Variants in SCAPER observed in about 807,000 individuals in gnomAD.
SCAPER encodes S-phase cyclin A associated protein in the ER.
Under a neutral mutation model 182.2 loss-of-function variants are expected in SCAPER, and 98 were observed. The observed-to-expected ratio is 0.54, with a 90% CI of 0.46 to 0.64. SCAPER has a LOEUF of 0.64. Among genes scored for constraint, SCAPER ranks in the 30% least tolerant of loss-of-function variants. The pLI is 0.00. For synonymous variants in SCAPER, 605 were observed against 564.6 expected (o/e 1.07, Z -1.01); for missense variants, 1,432 against 1,690.0 (o/e 0.85, Z 2.68).
chr15:76,805,105 A>G (rs1260879192), intron 5 of SCAPER, among the ~76,000 whole-genome samples: 1 of 152,208 alleles, frequency 6.6e-6, no homozygotes, highest in East Asian at 1.9e-4. Flanking sequence ...GGTAGCGTGT[A>G]TCAGTACTTC....
At chr15:76,572,736 G>A (rs987730545) in intron 23 of SCAPER, among the ~76,000 whole-genome samples, 3 of 152,202 alleles carry the variant, frequency 2.0e-5, no homozygotes, top group East Asian at 3.9e-4. Flanking sequence ...TCAGAAATCC[G>A]GGGCAGGAGC....
At chr15:76,565,310 T>C (rs532821398) in intron 23 of SCAPER, among the ~76,000 whole-genome samples, 1 of 152,112 alleles carries the variant, frequency 6.6e-6, no homozygotes, top group Non-Finnish European at 1.5e-5. Flanking sequence ...TTTTTTTTAA[T>C]AAGGAACTTA....
At chr15:76,351,203 A>G in intron 31 of SCAPER, 34 bp downstream of exon 31, 1 of 1,584,190 alleles carries the variant, frequency 6.3e-7, no homozygotes, top group African/African-American at 1.3e-5. Flanking sequence ...TTTGGCTAAC[A>G]AACACATGAA....
intron 25 of SCAPER, among the ~76,000 whole-genome samples, chr15:76,442,669 T>A (rs2047698558): frequency 6.6e-6 from 1 of 152,344 alleles, no homozygotes; most frequent in East Asian, 1.9e-4. Flanking sequence ...GTATATCTAT[T>A]ATTATGCCTA....
At chr15:76,600,567 A>G (rs1451936460) in intron 22 of SCAPER, among the ~76,000 whole-genome samples, 2 of 116,406 alleles carry the variant, frequency 1.7e-5, no homozygotes, top group Non-Finnish European at 2.1e-5. Context: ...ATCCTGCCTC[A>G]GCCTCCCGAG....
At chr15:76,761,705 A>G (rs2062798506) in intron 14 of SCAPER, among the ~76,000 whole-genome samples, 1 of 152,230 alleles carries the variant, frequency 6.6e-6, no homozygotes, top group African/African-American at 2.4e-5. Context: ...GACCTAACAC[A>G]TGATCTATTC....
chr15:76,784,333 G>A (rs970038801), intron 8 of SCAPER, among the ~76,000 whole-genome samples: 2 of 152,160 alleles, frequency 1.3e-5, no homozygotes. Flanking sequence ...TACAAGGGAC[G>A]TGAAGGATCT....
chr15:76,727,310 G>A (rs895291735), intron 17 of SCAPER, among the ~76,000 whole-genome samples: 3 of 152,032 alleles, frequency 2.0e-5, no homozygotes, highest in Non-Finnish European at 4.4e-5. Flanking sequence ...GGCCAGGACA[G>A]TCCTAATAAA....
chr15:76,674,074 T>TA (rs1023567925), intron 20 of SCAPER, among the ~76,000 whole-genome samples: 1 of 151,974 alleles, frequency 6.6e-6, no homozygotes, highest in African/African-American at 2.4e-5. Flanking sequence ...TGTACTGACT[T>TA]ACACACATAT....
intron 20 of SCAPER, among the ~76,000 whole-genome samples, chr15:76,673,275 C>A (rs186166968): frequency 6.6e-6 from 1 of 151,956 alleles, no homozygotes; most frequent in Non-Finnish European, 1.5e-5. Flanking sequence ...CTGGTGAACA[C>A]TGCATACATA....
chr15:76,407,401 T>C (rs1300622200), intron 26 of SCAPER, among the ~76,000 whole-genome samples: 1 of 152,226 alleles, frequency 6.6e-6, no homozygotes, highest in Non-Finnish European at 1.5e-5. Context: ...TAAAAAGTCA[T>C]TATGCAGTGC....
At chr15:76,715,081 G>A (rs79045984) in intron 17 of SCAPER, among the ~76,000 whole-genome samples, 2,649 of 152,054 alleles carry the variant, frequency 0.017, 96 homozygotes, top group East Asian at 0.12. Context: ...AGTTGTTAGC[G>A]CACCCTCCTC....
chr15:76,486,750 A>C (rs1251005464), intron 24 of SCAPER, among the ~76,000 whole-genome samples: 2 of 152,220 alleles, frequency 1.3e-5, no homozygotes, highest in African/African-American at 4.8e-5. Flanking sequence ...GTGGGAGTGT[A>C]AATTAGTTCA....
chr15:76,825,547 G>T (rs925004352), intron 5 of SCAPER, among the ~76,000 whole-genome samples: 1 of 152,052 alleles, frequency 6.6e-6, no homozygotes, highest in Non-Finnish European at 1.5e-5. Context: ...CAAAAAAAAT[G>T]TTATTCTTAA....
intron 20 of SCAPER, among the ~76,000 whole-genome samples, chr15:76,675,384 T>C (rs945605053): frequency 1.3e-5 from 2 of 152,198 alleles, no homozygotes; most frequent in African/African-American, 2.4e-5. Flanking sequence ...GTTATAAGGA[T>C]AGGAGAAAAC....
At chr15:76,676,061 G>C (rs991853391) in intron 20 of SCAPER, among the ~76,000 whole-genome samples, 2 of 152,194 alleles carry the variant, frequency 1.3e-5, no homozygotes, top group Non-Finnish European at 2.9e-5. Flanking sequence ...CTGACCTCAG[G>C]TGATCCACCC....
intron 24 of SCAPER, among the ~76,000 whole-genome samples, chr15:76,478,244 T>A (rs1281646635): frequency 6.6e-6 from 1 of 152,120 alleles, no homozygotes; most frequent in Admixed American, 6.5e-5. Flanking sequence ...ATTTTAAAAT[T>A]TGGGGAGGAG....
chr15:76,818,125 G>T (rs927660589), intron 5 of SCAPER, among the ~76,000 whole-genome samples: 2 of 152,168 alleles, frequency 1.3e-5, no homozygotes, highest in African/African-American at 4.8e-5. Flanking sequence ...AGAACAAAGA[G>T]CTCAGAAACA....
intron 14 of SCAPER, among the ~76,000 whole-genome samples, chr15:76,759,577 G>A (rs2062651981): frequency 6.6e-6 from 1 of 152,124 alleles, no homozygotes; most frequent in Admixed American, 6.5e-5. Flanking sequence ...TTCATTATGT[G>A]TCTTGGAAGG....
Sources: allele counts gnomAD v4.1 joint callset (sites outside exome capture counted in the v4.1 genomes callset), GRCh38; gene constraint gnomAD v4.1.1; transcripts MANE v1.5; gene names NCBI Gene and HGNC (gene_info 2026-07-23, HGNC 2026-07-21).